Variants in ADARB1 observed in about 807,000 individuals in gnomAD.
The protein encoded by ADARB1 is adenosine deaminase RNA specific B1.
Under a neutral mutation model 52.4 loss-of-function variants are expected in ADARB1, and 10 were observed. The observed-to-expected ratio is 0.19, with a 90% CI of 0.12 to 0.32. The LOEUF is 0.32. ADARB1 is among the 10% of genes least tolerant of loss of function. The pLI is 1.00. For missense variants in ADARB1, 643 were observed against 922.3 expected, an observed-to-expected ratio of 0.70 and a Z score of 3.92; for synonymous variants, 349 against 371.1, an observed-to-expected ratio of 0.94 and a Z score of 0.68.
chr21:45,162,376 C>T (rs978166602), intron 2 of ADARB1, among the ~76,000 whole-genome samples: 1 of 152,164 alleles, frequency 6.6e-6, no homozygotes, highest in Non-Finnish European at 1.5e-5. Context: ...CTGGACCCCA[C>T]GCCCACTCAC....
intron 2 of ADARB1, among the ~76,000 whole-genome samples, chr21:45,163,495 A>G (rs1315719748): frequency 1.3e-5 from 2 of 152,100 alleles, no homozygotes; most frequent in Non-Finnish European, 2.9e-5. Context: ...GTGAGCGGGG[A>G]GGGGCAACCA....
In ADARB1 at chr21:45,172,002, G is replaced by A. The variant is rs77239296; in HGVS notation, c.28+318G>A. 0.066 allele frequency among the ~76,000 whole-genome samples: 10,117 copies of A among 152,176 alleles called. 496 individuals carry two copies. Among genetic ancestry groups the A allele is most frequent in the East Asian group, 0.15 (791 of 5,180 alleles). ...GGCATGCCTCTCAGAATAATGCTCC[G>A]AGTATTCACACATACAAATCGAAGA... On this transcript the variant is annotated intron_variant, in intron 3 of 10. Coordinates refer to ENST00000348831, the MANE Select transcript of ADARB1 (RefSeq NM_001112.4). The surrounding 1 kb of genome is among the most constrained non-coding windows in gnomAD (Gnocchi z 4.4).
At chr21:45,171,753 A>G (rs1336210322) in intron 3 of ADARB1, 69 bp downstream of exon 3, 18 of 1,414,306 alleles carry the variant, frequency 1.3e-5, no homozygotes, top group Non-Finnish European at 1.8e-5. Context: ...GTTTTTGCAA[A>G]TGTATTTCAT....
intron 1 of ADARB1, among the ~76,000 whole-genome samples, chr21:45,093,242 G>A (rs2086629006): frequency 6.6e-6 from 1 of 152,194 alleles, no homozygotes; most frequent in Admixed American, 6.5e-5. Flanking sequence ...GTGCACTTTG[G>A]CTTTTCTCAC....
chr21:45,124,766 GGT>G (rs869284883), intron 1 of ADARB1, among the ~76,000 whole-genome samples: 6 of 25,572 alleles, frequency 2.3e-4, no homozygotes, highest in African/African-American at 6.6e-4. Context: ...CTTTTTAAAT[GGT>G]GTGTGTGTGT....
chr21:45,099,386 C>T (rs1385403357), intron 1 of ADARB1, among the ~76,000 whole-genome samples: 3 of 152,132 alleles, frequency 2.0e-5, no homozygotes, highest in South Asian at 4.1e-4. Context: ...ACAGGCTGGG[C>T]GCGGTGGGTG....
At chr21:45,131,872 G>C (rs1047382506) in intron 2 of ADARB1, among the ~76,000 whole-genome samples, 1 of 152,238 alleles carries the variant, frequency 6.6e-6, no homozygotes, top group Non-Finnish European at 1.5e-5. Flanking sequence ...CTCTGTCCTG[G>C]TGCCTGGCGG....
In ADARB1 at chr21:45,181,164, G is replaced by A. The variant is rs1029118483; in HGVS notation, c.1078+720G>A. Among the ~76,000 whole-genome samples the A allele has an allele frequency of 3.9e-5, 6 of 152,230 alleles. No homozygotes were observed. In the South Asian group the frequency reaches 8.3e-4, roughly 21 times the overall value. On this transcript the variant is annotated intron_variant, in intron 5 of 10. Transcript: ENST00000348831. ...CAGATGCAGGAAGCAGACCCTAGAGGTCAGGGAGGAAGCTGGGGACAGTTT... is the reference window on the plus strand; with the variant it reads ...CAGATGCAGGAAGCAGACCCTAGAGATCAGGGAGGAAGCTGGGGACAGTTT...
At chr21:45,177,619 G>A (rs1467165785) in intron 4 of ADARB1, 1 of 152,000 alleles carries the variant, frequency 6.6e-6, no homozygotes, top group East Asian at 1.9e-4. Flanking sequence ...TTATTACTTT[G>A]TATCAGAGTC....
At chr21:45,130,551 C>A (rs1485228397) in intron 2 of ADARB1, among the ~76,000 whole-genome samples, 7 of 152,140 alleles carry the variant, frequency 4.6e-5, no homozygotes, top group Non-Finnish European at 8.8e-5. Context: ...AACAGTTTGG[C>A]GTGTTATTCT....
chr21:45,124,856 G>C (rs1480067163), intron 1 of ADARB1, among the ~76,000 whole-genome samples: 1 of 151,762 alleles, frequency 6.6e-6, no homozygotes, highest in African/African-American at 2.4e-5. Flanking sequence ...GGAGTGCAGT[G>C]GTGCAATCTC....
At chr21:45,190,952 G>T (rs1337323490) in intron 8 of ADARB1, among the ~76,000 whole-genome samples, 1 of 152,202 alleles carries the variant, frequency 6.6e-6, no homozygotes, top group East Asian at 1.9e-4. Flanking sequence ...CAAACATCGT[G>T]AAATTTCCTA....
intron 9 of ADARB1, among the ~76,000 whole-genome samples, chr21:45,213,352 T>A (rs895536139): frequency 6.6e-6 from 1 of 152,236 alleles, no homozygotes; most frequent in Non-Finnish European, 1.5e-5. Context: ...GAGAACAATT[T>A]TTTTTATTTT....
In ADARB1 at chr21:45,226,065, T is replaced by C. The variant is rs79322398; in HGVS notation, c.*3868T>C. 9.0e-3 allele frequency: 1,381 copies of C among 153,066 alleles called. 22 individuals carry two copies. Among genetic ancestry groups the C allele is most frequent in the African/African-American group, 0.032 (1,319 of 41,580 alleles). 9.5% of individuals were successfully genotyped at this position (153,066 alleles called of 1,614,324 possible). A position where few individuals can be genotyped will look rare whatever the true frequency, so the allele number is the denominator to read the frequency against. ...TGGCAGGTCCGACTCGACCATGACT[T>C]AGTTGTAAGGGTGTGTCGGCTTTTT... On this transcript the variant is annotated 3_prime_UTR_variant, in exon 11 of 11. Transcript: ENST00000348831.
At chr21:45,131,677 A>C (rs539203813) in intron 2 of ADARB1, among the ~76,000 whole-genome samples, 4 of 152,286 alleles carry the variant, frequency 2.6e-5, no homozygotes, top group African/African-American at 9.6e-5. Context: ...TCAGGAACTA[A>C]AGTTCTCTCG....
In ADARB1 at chr21:45,131,941, G is replaced by A. The variant is rs560333741; in HGVS notation, c.-48+3368G>A. ...GGCTCTTCTCTGTGTGGAGGTTCTCGAGATGGGCAGTCCGGGTGGATGGTC... is the reference window on the plus strand; with the variant it reads ...GGCTCTTCTCTGTGTGGAGGTTCTCAAGATGGGCAGTCCGGGTGGATGGTC... On this transcript the variant is annotated intron_variant, in intron 2 of 10. Transcript: ENST00000348831. 1.6e-3 allele frequency among the ~76,000 whole-genome samples: 238 copies of A among 152,368 alleles called. 3 individuals are homozygous for A. The highest frequency in any genetic ancestry group is 5.5e-3 in the African/African-American group (230 of 41,588).
intron 8 of ADARB1, among the ~76,000 whole-genome samples, chr21:45,197,946 G>A (rs2146306587): frequency 6.6e-6 from 1 of 152,218 alleles, no homozygotes; most frequent in East Asian, 1.9e-4. Flanking sequence ...GAGGTTTGGG[G>A]AGTGAGGTCA....
rs1425606103 is a variant in ADARB1 at position 45,099,903 on chromosome 21, G to GCA, written c.-220+25110_-220+25111insCA. Reference sequence around the variant, plus strand: ...GTGTGTGCAACTTGGTGGTGGTGTTGGGGTTACTTTCCAGAAGCTACTCAA... The same window carrying GCA: ...GTGTGTGCAACTTGGTGGTGGTGTTGCAGGGTTACTTTCCAGAAGCTACTCAA... On this transcript the variant is annotated intron_variant, in intron 1 of 10. Transcript: ENST00000348831. 8.5e-5 allele frequency among the ~76,000 whole-genome samples: 13 copies of GCA among 152,188 alleles called. No individual in the cohort carries two copies. In the East Asian group the frequency reaches 2.5e-3, roughly 29 times the overall value.
intron 1 of ADARB1, among the ~76,000 whole-genome samples, chr21:45,109,183 G>A (rs1223402083): frequency 1.6e-5 from 2 of 122,282 alleles, no homozygotes; most frequent in Non-Finnish European, 3.5e-5. Context: ...GCGCGTGTGC[G>A]TATATGTGTG....
Sources: gnomAD v4.1 joint callset for allele counts (sites outside exome capture counted in the v4.1 genomes callset) on GRCh38, gnomAD v4.1.1 for gene constraint, Gnocchi (gnomAD v3.1) non-coding constraint, MANE v1.5 for transcripts, NCBI Gene and HGNC (gene_info 2026-07-23, HGNC 2026-07-21) for gene names.